LHFPL3: variants seen among roughly 807,000 people sequenced by gnomAD.
LHFPL3 encodes LHFPL tetraspan subfamily member 3 protein.
LHFPL3 carries 5 observed loss-of-function variants against 19.3 expected under a neutral mutation model. That is an observed-to-expected ratio of 0.26 (90% CI 0.14 to 0.54). LHFPL3 has a LOEUF of 0.54. Among genes scored for constraint, LHFPL3 ranks in the 20% least tolerant of loss-of-function variants. The pLI, the probability that LHFPL3 is intolerant of heterozygous loss-of-function variation, is 0.94. For synonymous variants in LHFPL3, 133 were observed against 126.2 expected, an observed-to-expected ratio of 1.05 and a Z score of -0.36; for missense variants, 249 against 307.4, an observed-to-expected ratio of 0.81 and a Z score of 1.42.
chr7:104,504,694 A>G (rs117102798), intron 1 of LHFPL3, among the ~76,000 whole-genome samples: 113 of 152,300 alleles, frequency 7.4e-4, no homozygotes, highest in Middle Eastern at 3.4e-3. Context: ...TCAACTATCT[A>G]CCCACATTAT....
At chr7:104,516,688 C>G (rs1793928000) in intron 1 of LHFPL3, among the ~76,000 whole-genome samples, 1 of 152,024 alleles carries the variant, frequency 6.6e-6, no homozygotes, top group African/African-American at 2.4e-5. Flanking sequence ...TGCTTATACA[C>G]TGTTGGTGGG....
chr7:104,385,844 C>T (rs1409411202), intron 1 of LHFPL3, among the ~76,000 whole-genome samples: 1 of 151,648 alleles, frequency 6.6e-6, no homozygotes, highest in South Asian at 2.1e-4. Flanking sequence ...TTTTTAAATA[C>T]TTATTTTTAA....
At chr7:104,503,792 A>G (rs1793647223) in intron 1 of LHFPL3, among the ~76,000 whole-genome samples, 1 of 151,418 alleles carries the variant, frequency 6.6e-6, no homozygotes, top group African/African-American at 2.4e-5. Context: ...CTGGTCTCAA[A>G]CTCCAGGGCT....
At chr7:104,751,279 G>A (rs1044011712) in intron 2 of LHFPL3, among the ~76,000 whole-genome samples, 28 of 149,460 alleles carry the variant, frequency 1.9e-4, no homozygotes, top group African/African-American at 6.1e-4. Flanking sequence ...CTTTTTCATC[G>A]GCAATTGACT....
intron 1 of LHFPL3, among the ~76,000 whole-genome samples, chr7:104,547,066 C>T (rs1794588379): frequency 1.7e-5 from 1 of 57,300 alleles, no homozygotes; most frequent in Admixed American, 1.9e-4. Flanking sequence ...GAAACCCCGT[C>T]TCTACTAAAA....
At chr7:104,498,685 C>T (rs1391290876) in intron 1 of LHFPL3, among the ~76,000 whole-genome samples, 3 of 152,110 alleles carry the variant, frequency 2.0e-5, no homozygotes, top group Non-Finnish European at 4.4e-5. Context: ...ACCATGTTGA[C>T]CAGGTTGGTC....
chr7:104,473,166 A>G (rs978386166), intron 1 of LHFPL3, among the ~76,000 whole-genome samples: 7 of 152,240 alleles, frequency 4.6e-5, no homozygotes, highest in Non-Finnish European at 7.3e-5. Flanking sequence ...CATACTGTCA[A>G]TGGTGAGAAC....
At chr7:104,533,832 A>G (rs1211247655) in intron 1 of LHFPL3, among the ~76,000 whole-genome samples, 1 of 151,950 alleles carries the variant, frequency 6.6e-6, no homozygotes. Flanking sequence ...CCCTTTCAAT[A>G]CTTGACTCTC....
At chr7:104,636,032 C>A (rs1334246885) in intron 1 of LHFPL3, among the ~76,000 whole-genome samples, 1 of 152,042 alleles carries the variant, frequency 6.6e-6, no homozygotes, top group Non-Finnish European at 1.5e-5. Context: ...ACTCTAGAAA[C>A]AATAAAATGT....
intron 1 of LHFPL3, among the ~76,000 whole-genome samples, chr7:104,697,469 C>A (rs1793018153): frequency 6.6e-6 from 1 of 152,026 alleles, no homozygotes; most frequent in Non-Finnish European, 1.5e-5. Context: ...GTATTAATAC[C>A]ACATGATTGT....
chr7:104,730,849 G>A (rs1793686835), intron 1 of LHFPL3, among the ~76,000 whole-genome samples: 1 of 152,110 alleles, frequency 6.6e-6, no homozygotes. Flanking sequence ...GTATCGCCTA[G>A]GTTTTCTTCT....
intron 1 of LHFPL3, among the ~76,000 whole-genome samples, chr7:104,437,549 G>C (rs1379374956): frequency 1.3e-5 from 2 of 152,202 alleles, no homozygotes; most frequent in Non-Finnish European, 2.9e-5. Flanking sequence ...ATAAGCAGTA[G>C]GTTCCCAGGT....
At chr7:104,658,516 T>C (rs942577774) in intron 1 of LHFPL3, among the ~76,000 whole-genome samples, 6 of 152,162 alleles carry the variant, frequency 3.9e-5, no homozygotes, top group Non-Finnish European at 7.4e-5. Flanking sequence ...GTACCTCTAG[T>C]ACCTGGCTGG....
chr7:104,757,653 T>C (rs1178565868), intron 2 of LHFPL3: 2 of 152,382 alleles, frequency 1.3e-5, no homozygotes, highest in African/African-American at 4.8e-5. Context: ...CATAATGAGA[T>C]ATCATCTCAC....
intron 2 of LHFPL3, among the ~76,000 whole-genome samples, chr7:104,884,520 C>T (rs937755093): frequency 1.3e-5 from 2 of 152,058 alleles, no homozygotes; most frequent in African/African-American, 2.4e-5. Context: ...GAATTTTACA[C>T]GTGATAAAGC....
At chr7:104,418,484 A>G (rs949637838) in intron 1 of LHFPL3, among the ~76,000 whole-genome samples, 3 of 152,148 alleles carry the variant, frequency 2.0e-5, no homozygotes, top group Admixed American at 2.0e-4. Flanking sequence ...GCAAGCTATG[A>G]TTGCACCACT....
chr7:104,388,501 A>G (rs1413476717), intron 1 of LHFPL3, among the ~76,000 whole-genome samples: 1 of 152,118 alleles, frequency 6.6e-6, no homozygotes, highest in Non-Finnish European at 1.5e-5. Context: ...ATCTTTCCCA[A>G]CCTCTCTAAA....
At chr7:104,616,007 A>AACATTCC (rs1273965801) in intron 1 of LHFPL3, among the ~76,000 whole-genome samples, 7 of 152,356 alleles carry the variant, frequency 4.6e-5, no homozygotes, top group Non-Finnish European at 7.3e-5. Flanking sequence ...CCAATGGAAA[A>AACATTCC]ACATTCCATG....
chr7:104,763,423 T>G (rs1211573395), intron 2 of LHFPL3, among the ~76,000 whole-genome samples: 2 of 152,212 alleles, frequency 1.3e-5, no homozygotes, highest in Non-Finnish European at 2.9e-5. Context: ...GAAGGCAAGG[T>G]AGATATGCAG....
Sources: gnomAD v4.1 joint callset for allele counts (sites outside exome capture counted in the v4.1 genomes callset) on GRCh38, gnomAD v4.1.1 for gene constraint, MANE v1.5 for transcripts, NCBI Gene and HGNC (gene_info 2026-07-23, HGNC 2026-07-21) for gene names.